The following SEC63 variants were observed in gnomAD, a reference collection of about 807,000 sequenced individuals.
SEC63 encodes SEC63 protein translocation regulator.
A neutral mutation model predicts 116.2 loss-of-function variants in SEC63; 56 were observed. The observed-to-expected ratio is 0.48, with a 90% confidence interval of 0.39 to 0.60. The LOEUF is 0.60. SEC63 is among the 20% of genes least tolerant of loss of function. SEC63 has a pLI of 0.00. For synonymous variants in SEC63, 273 were observed against 294.6 expected, an observed-to-expected ratio of 0.93 and a Z score of 0.75; for missense variants, 668 against 900.0, an observed-to-expected ratio of 0.74 and a Z score of 3.30.
intron 19 of SEC63, 136 bp from the exon 20 acceptor site, chr6:107,873,048 A>G (rs1288640200): frequency 2.7e-5 from 18 of 667,760 alleles, no homozygotes; most frequent in Middle Eastern, 2.5e-4. Flanking sequence ...AAATGTTACT[A>G]AAGTCCTTAT....
At chr6:107,954,292 A>T (rs1770657961) in intron 1 of SEC63, among the ~76,000 whole-genome samples, 1 of 151,388 alleles carries the variant, frequency 6.6e-6, no homozygotes, top group Non-Finnish European at 1.5e-5. Context: ...AGTCATCACC[A>T]CTCCCTAATC....
At chr6:107,905,132 G>A (rs995907793) in intron 10 of SEC63, among the ~76,000 whole-genome samples, 1 of 152,144 alleles carries the variant, frequency 6.6e-6, no homozygotes. Flanking sequence ...GAAAGAGAAA[G>A]ACTCTTTCAT....
In SEC63 at chr6:107,904,582, T is replaced by C. The variant is rs199750405; in HGVS notation, c.1054+47A>G. 1.1e-4 allele frequency: 156 copies of C among 1,447,086 alleles called. No homozygotes were observed. In the East Asian group the frequency reaches 3.1e-3, roughly 28 times the overall value. 89.6% of individuals were successfully genotyped at this position (1,447,086 alleles called of 1,614,324 possible). Reference sequence around the variant, plus strand: ...TAAAATATGAAGTACAATCTGCATATGCTTGCAAGAAAAAGTATAACATAA... The same window carrying C: ...TAAAATATGAAGTACAATCTGCATACGCTTGCAAGAAAAAGTATAACATAA... On this transcript the variant is annotated intron_variant, in intron 11 of 20. Coordinates refer to ENST00000369002, the MANE Select transcript of SEC63 (RefSeq NM_007214.5).
In SEC63 at chr6:107,925,189, A is replaced by G. The variant is rs368207276; in HGVS notation, c.225-257T>C. Among the ~76,000 whole-genome samples the G allele has an allele frequency of 7.2e-5, 11 of 152,362 alleles. No homozygotes were observed. In the East Asian group the frequency reaches 2.1e-3, roughly 29 times the overall value. On this transcript the variant is annotated intron_variant, in intron 2 of 20. Transcript: ENST00000369002. ...TTACTATTTGCACAATTTTAAATAC[A>G]GAAGTGAATTCAACTTATTAACTTA...
At chr6:107,875,059 T>C (rs7739087) in intron 19 of SEC63, among the ~76,000 whole-genome samples, 79,588 of 151,858 alleles carry the variant, frequency 0.52, 21,946 homozygotes, top group South Asian at 0.7. Context: ...AGACAGGGTC[T>C]CACCACGTTG....
At chr6:107,929,177 C>CT (rs1787740855) in intron 2 of SEC63, among the ~76,000 whole-genome samples, 1 of 152,126 alleles carries the variant, frequency 6.6e-6, no homozygotes, top group African/African-American at 2.4e-5. Flanking sequence ...CACAAGGTCC[C>CT]TCAAGATATG....
chr6:107,891,673 G>GAA (rs1297725683), intron 16 of SEC63, among the ~76,000 whole-genome samples: 3 of 152,268 alleles, frequency 2.0e-5, no homozygotes, highest in African/African-American at 7.2e-5. Context: ...TTTTTGGGCT[G>GAA]ATTTCTCCCC....
Position 107,897,605 on chromosome 6 carries a change from G to C in SEC63, c.1440+44C>G, listed in dbSNP as rs1554234172. 3 of 1,272,164 alleles carry C rather than the reference G, an allele frequency of 2.4e-6. 1 individual carries two copies. In the South Asian group the frequency reaches 3.6e-5, roughly 15 times the overall value. 78.8% of individuals were successfully genotyped at this position (1,272,164 alleles called of 1,614,324 possible). ...TGAGGGAAATAAATATAAAAGCCTT[G>C]ACACACAACTCTTAAAGCATAAAAA... is the stretch of plus-strand genomic sequence containing the variant. On this transcript the variant is annotated intron_variant, in intron 14 of 20. Transcript: ENST00000369002.
At chr6:107,925,786 G>A (rs1562332046) in intron 2 of SEC63, among the ~76,000 whole-genome samples, 1 of 152,168 alleles carries the variant, frequency 6.6e-6, no homozygotes, top group Non-Finnish European at 1.5e-5. Context: ...TAAAATGGCG[G>A]TCACAGATGT....
chr6:107,906,844 A>G, intron 8 of SEC63, 67 bp from the exon 9 acceptor site: 1 of 1,176,392 alleles, frequency 8.5e-7, no homozygotes, highest in South Asian at 1.2e-5. Flanking sequence ...CTCCTGAGAT[A>G]CTTAATTCAC....
At position 107,869,462 on chromosome 6, in the gene SEC63, G is replaced by A. The variant is rs1380399117; in HGVS notation, c.*2242C>T. On this transcript the variant is annotated 3_prime_UTR_variant, in exon 21 of 21. Coordinates refer to ENST00000369002, the MANE Select transcript of SEC63 (RefSeq NM_007214.5). ...TGTATGATCTATAGGCTCATCAATT[G>A]TTGACAAAATGTCAGTTTCTTTATA... 1 of 152,080 alleles carries A rather than the reference G, an allele frequency of 6.6e-6. No individual in the cohort carries two copies. Among genetic ancestry groups the A allele is most frequent in the Non-Finnish European group, 1.5e-5 (1 of 68,026 alleles). 9.4% of individuals were successfully genotyped at this position (152,080 alleles called of 1,614,324 possible). A position where few individuals can be genotyped will look rare whatever the true frequency, so the allele number is the denominator to read the frequency against.
chr6:107,940,686 T>A (rs1770356637), intron 1 of SEC63, among the ~76,000 whole-genome samples: 1 of 151,346 alleles, frequency 6.6e-6, no homozygotes, highest in Non-Finnish European at 1.5e-5. Context: ...TTAAACGATA[T>A]GACCTACATA....
At chr6:107,936,522 T>C (rs1425917712) in intron 1 of SEC63, among the ~76,000 whole-genome samples, 1 of 130,380 alleles carries the variant, frequency 7.7e-6, no homozygotes, top group Non-Finnish European at 1.6e-5. Flanking sequence ...AAAAATTATG[T>C]TAGGAGTATC....
intron 4 of SEC63, among the ~76,000 whole-genome samples, chr6:107,920,603 C>T (rs1261577554): frequency 6.6e-6 from 1 of 152,050 alleles, no homozygotes; most frequent in African/African-American, 2.4e-5. Flanking sequence ...CCAAAGTATG[C>T]TTGTATTTAT....
At chr6:107,949,075 G>A (rs1770530614) in intron 1 of SEC63, among the ~76,000 whole-genome samples, 1 of 152,148 alleles carries the variant, frequency 6.6e-6, no homozygotes, top group Admixed American at 6.5e-5. Flanking sequence ...GAGGGCAAAA[G>A]GGAAGTTTCC....
At chr6:107,906,952 G>C (rs768367026) in intron 8 of SEC63, among the ~76,000 whole-genome samples, 175 bp from the exon 9 acceptor site, 2 of 152,018 alleles carry the variant, frequency 1.3e-5, no homozygotes, top group African/African-American at 4.8e-5. Flanking sequence ...GTAACATCTC[G>C]CTTTTTAAAA....
chr6:107,925,076 A>G (rs1787645470), intron 2 of SEC63, 144 bp from the exon 3 acceptor site: 1 of 685,708 alleles, frequency 1.5e-6, no homozygotes, highest in Non-Finnish European at 2.7e-6. Flanking sequence ...CTGGGTTACA[A>G]ACTCCTGTTA....
At chr6:107,885,269 CT>C (rs1786501708) in intron 16 of SEC63, among the ~76,000 whole-genome samples, 1 of 152,148 alleles carries the variant, frequency 6.6e-6, no homozygotes, top group Non-Finnish European at 1.5e-5. Flanking sequence ...TGTAGAAAAT[CT>C]TTATTAAAAT....
intron 4 of SEC63, 149 bp from the exon 5 acceptor site, chr6:107,913,576 A>G: frequency 1.4e-6 from 1 of 716,664 alleles, no homozygotes; most frequent in Non-Finnish European, 2.5e-6. Context: ...ATCAGGAGAA[A>G]GGGAAAGGGA....
Sources: gnomAD v4.1 joint callset for allele counts (sites outside exome capture counted in the v4.1 genomes callset) on GRCh38, gnomAD v4.1.1 for gene constraint, MANE v1.5 for transcripts, NCBI Gene and HGNC (gene_info 2026-07-23, HGNC 2026-07-21) for gene names.